Variants in IL1RAPL1 observed in about 807,000 individuals in gnomAD.
IL1RAPL1 encodes the protein interleukin-1 receptor accessory protein-like 1.
Under a neutral mutation model 48.4 loss-of-function variants are expected in IL1RAPL1, and 3 were observed. That is an observed-to-expected ratio of 0.06 (90% CI 0.03 to 0.16). The LOEUF is 0.16. IL1RAPL1 is among the 10% of genes least tolerant of loss of function. IL1RAPL1 has a pLI of 1.00. For synonymous variants in IL1RAPL1, 185 were observed against 187.7 expected (o/e 0.99, Z 0.12); for missense variants, 349 against 530.6 (o/e 0.66, Z 3.36).
intron 5 of IL1RAPL1, among the ~76,000 whole-genome samples, chrX:29,450,345 G>GT (rs1205612292): frequency 1.8e-5 from 2 of 112,067 alleles, no homozygotes; most frequent in Admixed American, 9.5e-5. Context: ...CCAACTATCT[G>GT]TAAAGGGCCA....
At chrX:29,745,431 GTTT>G (rs752527354) in intron 6 of IL1RAPL1, among the ~76,000 whole-genome samples, 1 of 24,735 alleles carries the variant, frequency 4.0e-5, no homozygotes, top group Non-Finnish European at 6.7e-5. Context: ...AGTTTTTTGT[GTTT>G]TTTTTTTTTT....
intron 3 of IL1RAPL1, among the ~76,000 whole-genome samples, chrX:29,332,623 T>A (rs1314437719): frequency 1.0e-5 from 1 of 97,690 alleles, no homozygotes; most frequent in Non-Finnish European, 2.0e-5. Context: ...TTTATTTATT[T>A]ATTTATTTAT....
At chrX:29,130,003 G>A (rs967461877) in intron 2 of IL1RAPL1, among the ~76,000 whole-genome samples, 1 of 110,866 alleles carries the variant, frequency 9.0e-6, no homozygotes, top group Non-Finnish European at 1.9e-5. Flanking sequence ...TTTTTCAATC[G>A]TTTTCTGACC....
chrX:28,625,931 C>T (rs1341886984), intron 1 of IL1RAPL1, among the ~76,000 whole-genome samples: 1 of 112,036 alleles, frequency 8.9e-6, no homozygotes, highest in Non-Finnish European at 1.9e-5. Context: ...ATTTTCTTAG[C>T]TTTTAAGCCC....
At chrX:29,304,135 T>A (rs1932580524) in intron 3 of IL1RAPL1, among the ~76,000 whole-genome samples, 1 of 111,266 alleles carries the variant, frequency 9.0e-6, no homozygotes, top group Admixed American at 9.6e-5. Flanking sequence ...CTCCAGTATA[T>A]GTACTAATTA....
intron 3 of IL1RAPL1, among the ~76,000 whole-genome samples, chrX:29,289,777 T>C (rs1286600172): frequency 8.9e-6 from 1 of 112,530 alleles, no homozygotes; most frequent in Non-Finnish European, 1.9e-5. Flanking sequence ...CCTATAAACA[T>C]TTTGTTAAAA....
rs139675466 is a variant in IL1RAPL1 at position 29,097,792 on chromosome X, A to G, written c.83-185146A>G. Reference sequence around the variant, plus strand: ...ACCTCTTATGTGCAATTGTCTTTGGACTAATCAGATGTGATGGGCTTAATG... The same window carrying G: ...ACCTCTTATGTGCAATTGTCTTTGGGCTAATCAGATGTGATGGGCTTAATG... On this transcript the variant is annotated intron_variant, in intron 2 of 10. Transcript: ENST00000378993. Among the ~76,000 whole-genome samples, 93 of 112,233 alleles carry G rather than the reference A, an allele frequency of 8.3e-4. No homozygotes were observed. In the East Asian group the frequency reaches 0.024, roughly 29 times the overall value.
chrX:29,270,857 T>A (rs967193913), intron 2 of IL1RAPL1, among the ~76,000 whole-genome samples: 1 of 111,757 alleles, frequency 8.9e-6, no homozygotes, highest in Non-Finnish European at 1.9e-5. Flanking sequence ...AATTGACTAA[T>A]TTTTTTTAAA....
At chrX:29,001,017 C>T (rs908395058) in intron 2 of IL1RAPL1, among the ~76,000 whole-genome samples, 1 of 109,199 alleles carries the variant, frequency 9.2e-6, no homozygotes, top group East Asian at 2.9e-4. Context: ...GGCACAGTGC[C>T]TCCTAAATTC....
chrX:29,884,704 C>G (rs924590920), intron 6 of IL1RAPL1, among the ~76,000 whole-genome samples: 2 of 111,648 alleles, frequency 1.8e-5, no homozygotes. Flanking sequence ...TCCATATGTT[C>G]AAAATCGAGT....
At chrX:29,897,284 TAA>T (rs1220699084) in intron 6 of IL1RAPL1, among the ~76,000 whole-genome samples, 4 of 111,301 alleles carry the variant, frequency 3.6e-5, no homozygotes, top group Non-Finnish European at 7.5e-5. Flanking sequence ...TTCTTAATAA[TAA>T]AAAGAAATGA....
chrX:29,851,013 A>G (rs1931356211), intron 6 of IL1RAPL1, among the ~76,000 whole-genome samples: 1 of 111,672 alleles, frequency 9.0e-6, no homozygotes, highest in Non-Finnish European at 1.9e-5. Flanking sequence ...GAATCCCAGT[A>G]TCTGTCCAGA....
At chrX:29,649,175 A>T (rs1413562193) in intron 5 of IL1RAPL1, among the ~76,000 whole-genome samples, 1 of 111,767 alleles carries the variant, frequency 8.9e-6, no homozygotes, top group African/African-American at 3.2e-5. Flanking sequence ...CAAATATTTA[A>T]GGAAGTAATA....
intron 5 of IL1RAPL1, among the ~76,000 whole-genome samples, chrX:29,419,943 C>T (rs772622085): frequency 8.9e-6 from 1 of 111,842 alleles, no homozygotes; most frequent in Non-Finnish European, 1.9e-5. Context: ...CCTCTTGCTT[C>T]TAGGTGGAAC....
Position 29,527,949 on chromosome X carries a change from A to G in IL1RAPL1, c.703+128641A>G, listed in dbSNP as rs190398021. ...CAATAAGTAAAAGCAAATTAAAGCT[A>G]TTTTGAGGTACAGTTCTCACCCATC... On this transcript the variant is annotated intron_variant, in intron 5 of 10. Transcript: ENST00000378993. Among the ~76,000 whole-genome samples, 237 of 112,099 alleles carry G rather than the reference A, an allele frequency of 2.1e-3. 1 individual carries two copies. Among genetic ancestry groups the G allele is most frequent in the Non-Finnish European group, 4.0e-3 (215 of 53,192 alleles).
chrX:29,445,738 A>C (rs966225989), intron 5 of IL1RAPL1, among the ~76,000 whole-genome samples: 2 of 111,606 alleles, frequency 1.8e-5, no homozygotes, highest in Non-Finnish European at 3.8e-5. Flanking sequence ...TTGTGTGTTA[A>C]AAATAGCTAT....
At chrX:29,041,882 T>A (rs142296717) in intron 2 of IL1RAPL1, among the ~76,000 whole-genome samples, 1 of 111,921 alleles carries the variant, frequency 8.9e-6, no homozygotes, top group East Asian at 2.8e-4. Flanking sequence ...ATCCTCCTTA[T>A]CGAAAATCAA....
Position 29,834,464 on chromosome X carries a change from C to G in IL1RAPL1, c.779-83000C>G, listed in dbSNP as rs1043668008. 8.3e-5 allele frequency among the ~76,000 whole-genome samples: 9 copies of G among 108,815 alleles called. No homozygotes were observed. In the East Asian group the frequency reaches 2.3e-3, roughly 28 times the overall value. The allele number at this position is 108,815 out of a possible 115,157, so 94.5% of individuals were successfully genotyped here. A position where few individuals can be genotyped will look rare whatever the true frequency, so the allele number is the denominator to read the frequency against. On this transcript the variant is annotated intron_variant, in intron 6 of 10. Transcript: ENST00000378993. ...ACAGCACAACCTCTCAACGCTACCCCTTGCCAAGAGGCTGTGAAAGAAAAA... is the reference window on the plus strand; with the variant it reads ...ACAGCACAACCTCTCAACGCTACCCGTTGCCAAGAGGCTGTGAAAGAAAAA...
chrX:28,890,538 A>G (rs1406234433), intron 2 of IL1RAPL1, among the ~76,000 whole-genome samples: 1 of 111,970 alleles, frequency 8.9e-6, no homozygotes, highest in Admixed American at 9.5e-5. Context: ...TCTATTGGAA[A>G]AACTTTTGTT....
Sources: gnomAD v4.1 joint callset for allele counts (sites outside exome capture counted in the v4.1 genomes callset) on GRCh38, gnomAD v4.1.1 for gene constraint, MANE v1.5 for transcripts, NCBI Gene and HGNC (gene_info 2026-07-23, HGNC 2026-07-21) for gene names.